Variants in ACAD11 observed in about 807,000 individuals in gnomAD.
The protein encoded by ACAD11 is acyl-Coenzyme A dehydrogenase family, member 11.
Under a neutral mutation model 102.2 loss-of-function variants are expected in ACAD11, and 83 were observed. The ratio of observed to expected loss-of-function variants is 0.81; its 90% CI spans 0.68 to 0.97. The LOEUF is 0.97. ACAD11 is among the 50% of genes least tolerant of loss of function. The pLI, the probability that ACAD11 is intolerant of heterozygous loss-of-function variation, is 0.00. For synonymous variants in ACAD11, 324 were observed against 319.8 expected (o/e 1.01, Z -0.14); for missense variants, 901 against 951.7 (o/e 0.95, Z 0.70).
chr3:132,600,250 A>G, intron 13 of ACAD11: 2 of 711,422 alleles, frequency 2.8e-6, no homozygotes, highest in Non-Finnish European at 4.6e-6. Flanking sequence ...AAAGCATTTC[A>G]AAGAGTGCTA....
At chr3:132,585,210 C>T (rs1344830349) in intron 13 of ACAD11, among the ~76,000 whole-genome samples, 1 of 152,186 alleles carries the variant, frequency 6.6e-6, no homozygotes, top group Non-Finnish European at 1.5e-5. Context: ...ACTATCTGAT[C>T]TTTGACAAAC....
At chr3:132,658,097 A>T (rs1248914312) in intron 1 of ACAD11, among the ~76,000 whole-genome samples, 2 of 152,096 alleles carry the variant, frequency 1.3e-5, no homozygotes, top group African/African-American at 4.8e-5. Context: ...TCCTGACCTC[A>T]AGTGATCCAC....
chr3:132,598,543 T>C (rs1938415973), intron 13 of ACAD11, among the ~76,000 whole-genome samples: 1 of 152,222 alleles, frequency 6.6e-6, no homozygotes, highest in Admixed American at 6.5e-5. Context: ...ACGCATCCTT[T>C]CCACAGAATG....
At chr3:132,582,602 G>T (rs1223988263) in intron 13 of ACAD11, among the ~76,000 whole-genome samples, 1 of 151,856 alleles carries the variant, frequency 6.6e-6, no homozygotes, top group Non-Finnish European at 1.5e-5. Flanking sequence ...GGGCTGTGGA[G>T]GAGTCATTTC....
Position 132,558,207 on chromosome 3 carries a change from T to C in ACAD11, c.*764A>G, listed in dbSNP as rs890178666. 2.0e-5 allele frequency: 3 copies of C among 152,108 alleles called. No individual in the cohort carries two copies. Among genetic ancestry groups the C allele is most frequent in the Non-Finnish European group, 2.9e-5 (2 of 68,016 alleles). 9.4% of individuals were successfully genotyped at this position (152,108 alleles called of 1,614,324 possible). A position where few individuals can be genotyped will look rare whatever the true frequency, so the allele number is the denominator to read the frequency against. On this transcript the variant is annotated 3_prime_UTR_variant, in exon 20 of 20. Transcript: ENST00000264990. ...AATCCTGTCTTCTAAATCACAACTT[T>C]TCGAGTTACAAGATTTATCCACTTC...
rs189374705 is a variant in ACAD11, at chr3:132,613,017, G to A, written c.1414+5617C>T. 9.9e-3 allele frequency among the ~76,000 whole-genome samples: 1,499 copies of A among 152,004 alleles called. 27 individuals are homozygous for A. Among genetic ancestry groups the A allele is most frequent in the Admixed American group, 0.046 (702 of 15,262 alleles). On this transcript the variant is annotated intron_variant, in intron 11 of 19. Transcript: ENST00000264990. ...ATAGACTGGATTAAGAAAATGTGGC[G>A]CATATACACCATGGAATACTATGCA...
At chr3:132,588,360 C>T (rs1218443049) in intron 13 of ACAD11, among the ~76,000 whole-genome samples, 3 of 152,136 alleles carry the variant, frequency 2.0e-5, no homozygotes, top group East Asian at 3.8e-4. Flanking sequence ...TCTTCACTTA[C>T]CCAGTGTTAT....
chr3:132,647,432 A>G (rs1336398417), intron 1 of ACAD11: 1 of 152,214 alleles, frequency 6.6e-6, no homozygotes, highest in Non-Finnish European at 1.5e-5. Flanking sequence ...TAACAAATAG[A>G]AAATCTTTGC....
chr3:132,641,560 T>TGAAGAAGAAGAA (rs370839030), intron 4 of ACAD11, among the ~76,000 whole-genome samples: 68 of 99,570 alleles, frequency 6.8e-4, no homozygotes, highest in East Asian at 1.7e-3. Flanking sequence ...ATGATGATGA[T>TGAAGAAGAAGAA]GAAGAAGAAG....
At chr3:132,571,265 T>C (rs1171397943) in intron 17 of ACAD11, among the ~76,000 whole-genome samples, 11 of 152,040 alleles carry the variant, frequency 7.2e-5, no homozygotes, top group Admixed American at 7.2e-4. Context: ...GATTTTTAGC[T>C]TTTTTTCACA....
At chr3:132,600,811 T>C (rs777865969) in intron 13 of ACAD11, 6 of 1,613,920 alleles carry the variant, frequency 3.7e-6, no homozygotes, top group Non-Finnish European at 5.1e-6. Flanking sequence ...TAGACAGATA[T>C]GTGGCAGTAA....
chr3:132,559,055 T>C lies in ACAD11; in HGVS notation c.2259A>G (p.Ala753=), dbSNP rs1056758157. Residue 753 remains alanine, a synonymous_variant, in exon 20 of 20, where the codon GCA becomes GCG. Coordinates refer to ENST00000264990, the MANE Select transcript of ACAD11 (RefSeq NM_032169.5). ...MYAITRVLRL[A]DGPDEVHLSA... is the part of the protein sequence containing the mutation. ...AAAGATGAACTTCGTCAGGTCCATC[T>C]GCTAAACGCAAAACTCGGGTTATAG... 16 of 1,613,646 alleles carry C rather than the reference T, an allele frequency of 9.9e-6. No individual in the cohort carries two copies. The highest frequency in any genetic ancestry group is 4.0e-5 in the African/African-American group (3 of 74,930).
intron 4 of ACAD11, among the ~76,000 whole-genome samples, chr3:132,641,054 T>C (rs531139837): frequency 6.6e-6 from 1 of 152,170 alleles, no homozygotes; most frequent in Non-Finnish European, 1.5e-5. Context: ...TCAAACAATT[T>C]ACCACTAGAT....
At chr3:132,647,534 G>T (rs781106530) in intron 1 of ACAD11, 1 of 152,172 alleles carries the variant, frequency 6.6e-6, no homozygotes, top group Non-Finnish European at 1.5e-5. Context: ...CATAGCATTG[G>T]TTCCCTTAGA....
intron 17 of ACAD11, among the ~76,000 whole-genome samples, chr3:132,566,296 C>CAAAAAAAAAAAAAAA (rs371477145): frequency 9.7e-5 from 6 of 61,886 alleles, no homozygotes; most frequent in Non-Finnish European, 1.2e-4. Context: ...AAAACAAACT[C>CAAAAAAAAAAAAAAA]AAAAAAACAA....
intron 17 of ACAD11, among the ~76,000 whole-genome samples, chr3:132,566,538 G>C (rs1251673833): frequency 2.6e-5 from 4 of 152,050 alleles, no homozygotes; most frequent in Non-Finnish European, 5.9e-5. Flanking sequence ...TCATGATTAA[G>C]TTTCTGAAAA....
Position 132,639,669 on chromosome 3 carries a change from A to G in ACAD11, c.538-13T>C, listed in dbSNP as rs774394846. The G allele has an allele frequency of 3.1e-6, 5 of 1,596,714 alleles. No individual in the cohort carries two copies. In the East Asian group the frequency reaches 1.1e-4, roughly 36 times the overall value. On this transcript the variant is annotated splice_polypyrimidine_tract_variant and intron_variant, in intron 4 of 19. Transcript: ENST00000264990. ...TCCAGGTTGATACCTAAAGACATATAAATAAGAAAAATGGTAAAGCTGAAA... is the reference window on the plus strand; with the variant it reads ...TCCAGGTTGATACCTAAAGACATATGAATAAGAAAAATGGTAAAGCTGAAA...
intron 10 of ACAD11, 73 bp downstream of exon 10, chr3:132,619,395 A>C: frequency 1.0e-6 from 1 of 967,236 alleles, no homozygotes; most frequent in Non-Finnish European, 1.5e-6. Flanking sequence ...TAACAATAGC[A>C]ACAACAAAAC....
intron 2 of ACAD11, 131 bp from the exon 3 acceptor site, chr3:132,642,933 A>C: frequency 1.2e-6 from 1 of 822,922 alleles, no homozygotes; most frequent in Non-Finnish European, 1.9e-6. Flanking sequence ...ACTCCAGAGG[A>C]TAATAGTAAT....
Sources: gnomAD v4.1 joint callset for allele counts (sites outside exome capture counted in the v4.1 genomes callset) on GRCh38, gnomAD v4.1.1 for gene constraint, MANE v1.5 for transcripts, NCBI Gene and HGNC (gene_info 2026-07-23, HGNC 2026-07-21) for gene names.